Variants in TSNARE1 observed in about 807,000 individuals in gnomAD.
The protein encoded by TSNARE1 is t-SNARE domain containing 1.
A neutral mutation model predicts 62.0 loss-of-function variants in TSNARE1; 49 were observed. The ratio of observed to expected loss-of-function variants is 0.79; its 90% CI spans 0.63 to 1.00. TSNARE1 has a LOEUF of 1.00. Among genes scored for constraint, TSNARE1 ranks in the 50% least tolerant of loss-of-function variants. The pLI, the probability that TSNARE1 is intolerant of heterozygous loss-of-function variation, is 0.00. For synonymous variants in TSNARE1, 328 were observed against 294.4 expected, an observed-to-expected ratio of 1.11 and a Z score of -1.17; for missense variants, 755 against 700.1, an observed-to-expected ratio of 1.08 and a Z score of -0.88.
chr8:142,308,143 C>T (rs942213803), intron 9 of TSNARE1, among the ~76,000 whole-genome samples: 5 of 152,162 alleles, frequency 3.3e-5, no homozygotes, highest in African/African-American at 1.2e-4. Context: ...GATGTAAGTC[C>T]TTTTCACACG....
chr8:142,236,768 C>A (rs537652488), intron 12 of TSNARE1, among the ~76,000 whole-genome samples: 1 of 152,124 alleles, frequency 6.6e-6, no homozygotes, highest in Non-Finnish European at 1.5e-5. Flanking sequence ...CCTCATGTTG[C>A]GTATCAATTA....
chr8:142,292,308 T>G (rs1823923662), intron 10 of TSNARE1, among the ~76,000 whole-genome samples: 1 of 151,924 alleles, frequency 6.6e-6, no homozygotes, highest in African/African-American at 2.4e-5. Context: ...GCTTCCCCCG[T>G]GGAAGCGAGG....
rs570210414 is a variant in TSNARE1 at position 142,302,332 on chromosome 8, C to T, written c.1132-1688G>A. On this transcript the variant is annotated intron_variant, in intron 9 of 13. Transcript: ENST00000524325. ...TGCTCTCCCAGCTGACTCGTCCGGC[C>T]ACTGGTCTTGGCCCAGTAGGTGTCA... is the stretch of plus-strand genomic sequence containing the variant. Among the ~76,000 whole-genome samples the T allele has an allele frequency of 3.5e-4, 54 of 152,312 alleles. No individual in the cohort carries two copies. The South Asian group carries it at 8.3e-3, about 23-fold the overall frequency.
intron 1 of TSNARE1, among the ~76,000 whole-genome samples, chr8:142,365,520 G>A (rs1294576400): frequency 6.6e-6 from 1 of 152,050 alleles, no homozygotes; most frequent in East Asian, 1.9e-4. Flanking sequence ...TACACATTGT[G>A]TATTTGGGGA....
chr8:142,276,409 G>A (rs1820503890), intron 11 of TSNARE1: 1 of 985,484 alleles, frequency 1.0e-6, no homozygotes, highest in Non-Finnish European at 1.2e-6. Context: ...GCCTGCCAGG[G>A]AGGAGGCGCT....
rs574539062 is a variant in TSNARE1, at chr8:142,317,264, T to C, written c.984+1280A>G. ...TCACACTGTACGCGTGAAGCGGGTATGGCCAGCGGCTCACACTGTACGCGT... is the reference window on the plus strand; with the variant it reads ...TCACACTGTACGCGTGAAGCGGGTACGGCCAGCGGCTCACACTGTACGCGT... On this transcript the variant is annotated intron_variant, in intron 7 of 13. Coordinates refer to ENST00000524325, the MANE Select transcript of TSNARE1 (RefSeq NM_145003.5). Among the ~76,000 whole-genome samples the C allele has an allele frequency of 4.1e-4, 60 of 144,894 alleles. 2 individuals are homozygous for C. Among genetic ancestry groups the C allele is most frequent in the African/African-American group, 1.3e-3 (51 of 38,422 alleles).
Position 142,269,339 on chromosome 8 carries a change from A to G in TSNARE1, c.1446+5442T>C, listed in dbSNP as rs73714105. 110 of 703,734 alleles carry G rather than the reference A, an allele frequency of 1.6e-4. No individual in the cohort carries two copies. The African/African-American group carries it at 2.0e-3, about 12-fold the overall frequency. The allele number at this position is 703,734 out of a possible 1,614,324, so 43.6% of individuals were successfully genotyped here. On this transcript the variant is annotated intron_variant, in intron 12 of 13. Coordinates refer to ENST00000524325, the MANE Select transcript of TSNARE1 (RefSeq NM_145003.5). ...GATCAGGGCTCAGGGTCAAGGCTCAATGTGCAACTGCAGTCAGGACACAGT... is the reference window on the plus strand; with the variant it reads ...GATCAGGGCTCAGGGTCAAGGCTCAGTGTGCAACTGCAGTCAGGACACAGT...
chr8:142,371,952 T>G (rs760104536), intron 1 of TSNARE1, among the ~76,000 whole-genome samples: 6 of 152,152 alleles, frequency 3.9e-5, no homozygotes, highest in Non-Finnish European at 7.4e-5. Flanking sequence ...ACAGACACTC[T>G]AAAGCCGGAG....
intron 4 of TSNARE1, among the ~76,000 whole-genome samples, chr8:142,340,367 A>T (rs568261756): frequency 2.0e-5 from 3 of 152,094 alleles, no homozygotes; most frequent in Non-Finnish European, 4.4e-5. Context: ...GCATGGCTCC[A>T]CTCACAGGAA....
intron 11 of TSNARE1, chr8:142,277,134 G>A (rs369955704): frequency 2.0e-6 from 2 of 985,352 alleles, no homozygotes; most frequent in East Asian, 1.1e-4. Context: ...GAGGCCCCCA[G>A]TCTGTGAGGT....
intron 4 of TSNARE1, among the ~76,000 whole-genome samples, chr8:142,335,029 C>A (rs372311043): frequency 1.3e-5 from 2 of 152,300 alleles, no homozygotes; most frequent in African/African-American, 4.8e-5. Flanking sequence ...AAGATACGTT[C>A]ATTTATTTAA....
At chr8:142,348,385 G>A (rs1037419840) in intron 2 of TSNARE1, among the ~76,000 whole-genome samples, 6 of 152,158 alleles carry the variant, frequency 3.9e-5, no homozygotes, top group South Asian at 4.1e-4. Context: ...AATCACATGT[G>A]GTGAACACCT....
intron 12 of TSNARE1, among the ~76,000 whole-genome samples, chr8:142,260,379 G>C (rs1818796848): frequency 6.6e-6 from 1 of 152,122 alleles, no homozygotes; most frequent in Non-Finnish European, 1.5e-5. Flanking sequence ...GAGCAAGCAT[G>C]GGCACTGGGG....
rs890308055 is a variant in TSNARE1 at position 142,319,361 on chromosome 8, G to A, written c.894-727C>T. On this transcript the variant is annotated intron_variant, in intron 6 of 13. Coordinates refer to ENST00000524325, the MANE Select transcript of TSNARE1 (RefSeq NM_145003.5). This position sits in a 1 kb window ranked among gnomAD's most constrained non-coding sequence, Gnocchi z 4.9. The stretch of plus-strand genomic sequence containing the variant: ...CCTCTGAGGGGCCCCGGGTGAGACG[G>A]TTCTCACACCCAGACCCAGGGAGAC... Among the ~76,000 whole-genome samples, 8 of 152,018 alleles carry A rather than the reference G, an allele frequency of 5.3e-5. No individual in the cohort carries two copies. Among genetic ancestry groups the A allele is most frequent in the Admixed American group, 2.0e-4 (3 of 15,280 alleles).
intron 12 of TSNARE1, among the ~76,000 whole-genome samples, chr8:142,257,082 C>T (rs984219959): frequency 7.2e-5 from 11 of 152,220 alleles, no homozygotes; most frequent in Non-Finnish European, 1.0e-4. Context: ...ATACCCATCC[C>T]CCAATCACCA....
chr8:142,324,727 C>G (rs1829955033), intron 6 of TSNARE1, among the ~76,000 whole-genome samples: 1 of 152,166 alleles, frequency 6.6e-6, no homozygotes, highest in African/African-American at 2.4e-5. Flanking sequence ...GGGTCAGGAC[C>G]AGCCCAGGCT....
chr8:142,256,323 CACCAT>C (rs1563782650), intron 12 of TSNARE1, among the ~76,000 whole-genome samples: 15 of 145,808 alleles, frequency 1.0e-4, no homozygotes, highest in East Asian at 2.0e-4. Flanking sequence ...TCACCACCAT[CACCAT>C]CTTTGCCACC....
At chr8:142,222,818 A>G (rs1489842746) in intron 13 of TSNARE1, among the ~76,000 whole-genome samples, 3 of 147,204 alleles carry the variant, frequency 2.0e-5, no homozygotes, top group African/African-American at 5.2e-5. Flanking sequence ...TCATTCACTC[A>G]CTCACTCACT....
chr8:142,313,218 G>A (rs747992282), intron 9 of TSNARE1, among the ~76,000 whole-genome samples: 10 of 151,872 alleles, frequency 6.6e-5, no homozygotes, highest in African/African-American at 2.2e-4. Context: ...ACGTGTCTGC[G>A]TGTCTGTGTT....
Sources: gnomAD v4.1 joint callset for allele counts (sites outside exome capture counted in the v4.1 genomes callset) on GRCh38, gnomAD v4.1.1 for gene constraint, Gnocchi (gnomAD v3.1) non-coding constraint, MANE v1.5 for transcripts, NCBI Gene and HGNC (gene_info 2026-07-23, HGNC 2026-07-21) for gene names.